SMARCA5: variants seen among roughly 807,000 people sequenced by gnomAD.
SMARCA5 encodes the protein SWI/SNF-related matrix-associated actin-dependent regulator of chromatin subfamily A member 5.
A neutral mutation model predicts 140.4 loss-of-function variants in SMARCA5; 18 were observed. The observed-to-expected ratio is 0.13, with a 90% confidence interval of 0.09 to 0.19. SMARCA5 has a LOEUF of 0.19. Ranked by LOEUF, SMARCA5 falls within the 10% of genes least tolerant of loss-of-function variation. The pLI is 1.00. For synonymous variants in SMARCA5, 449 were observed against 419.6 expected (o/e 1.07, Z -0.86); for missense variants, 606 against 1,276.8 (o/e 0.47, Z 8.01).
chr4:143,531,426 T>A (rs1426168771), intron 9 of SMARCA5, among the ~76,000 whole-genome samples: 1 of 152,230 alleles, frequency 6.6e-6, no homozygotes, highest in Non-Finnish European at 1.5e-5. Flanking sequence ...GTAAGAATGT[T>A]ATATAAAGCC....
chr4:143,541,921 G>T (rs1401776191), intron 14 of SMARCA5, among the ~76,000 whole-genome samples: 2 of 151,358 alleles, frequency 1.3e-5, no homozygotes, highest in African/African-American at 4.9e-5. Context: ...GCAATGGCAC[G>T]ATCTCGGCTC....
Position 143,513,941 on chromosome 4 carries a change from A to G in SMARCA5, c.17A>G (p.Glu6Gly), listed in dbSNP as rs1213203256. The stretch of plus-strand genomic sequence containing the variant: ...CGGAACATCATGTCGTCCGCGGCCG[A>G]GCCTCCGCCACCCCCGCCTCCCGAG... The part of the protein sequence containing the change: MSSAA[E>G]PPPPPPPESA... The change falls in exon 1 of 24, where the codon GAG (glutamate) becomes GGG (glycine). Residue 6 changes from glutamate to glycine, a missense_variant. Physicochemically the swap from Glu to Gly is moderately conservative, Grantham distance 98. This residue lies in a region of SMARCA5 where 164 missense variants were observed against 128.4 expected (regional missense o/e 1.28). Transcript: ENST00000283131. The G allele has an allele frequency of 2.6e-6, 4 of 1,546,928 alleles. No individual in the cohort carries two copies. The highest frequency in any genetic ancestry group is 3.5e-6 in the Non-Finnish European group (4 of 1,153,464).
At chr4:143,520,586 A>C (rs1296581276) in intron 2 of SMARCA5, among the ~76,000 whole-genome samples, 3 of 152,226 alleles carry the variant, frequency 2.0e-5, no homozygotes, top group African/African-American at 7.2e-5. Context: ...TGTGTTTGCT[A>C]GGTAAAATGT....
intron 1 of SMARCA5, among the ~76,000 whole-genome samples, chr4:143,514,974 G>C (rs78145472): frequency 6.6e-6 from 1 of 152,196 alleles, no homozygotes; most frequent in Non-Finnish European, 1.5e-5. Context: ...GAAGCTGCCA[G>C]GCGGGTAAAT....
At chr4:143,518,141 A>G (rs548648130) in intron 2 of SMARCA5, among the ~76,000 whole-genome samples, 2 of 152,146 alleles carry the variant, frequency 1.3e-5, no homozygotes, top group South Asian at 4.1e-4. Flanking sequence ...CAGCATTTTT[A>G]TATTATAGAT....
At chr4:143,535,571 T>G (rs1737285976) in intron 10 of SMARCA5, among the ~76,000 whole-genome samples, 1 of 152,160 alleles carries the variant, frequency 6.6e-6, no homozygotes, top group Non-Finnish European at 1.5e-5. Context: ...TGGTCCTAAA[T>G]GTCCTCAAAA....
rs1260047117 is a variant in SMARCA5, at chr4:143,550,261, C to G, written c.3093+157C>G. ...TTTTTTTTTTCCTTAAGGGAGAACC[C>G]AAGCTCATAATTTGAGATTCTTCCA... On this transcript the variant is annotated intron_variant, in intron 23 of 23. Transcript: ENST00000283131. Among the ~76,000 whole-genome samples the G allele has an allele frequency of 3.4e-5, 5 of 148,062 alleles. No homozygotes were observed. In the Admixed American group the frequency reaches 3.4e-4, roughly 10 times the overall value.
At chr4:143,527,203 G>A (rs1159879920) in intron 6 of SMARCA5, among the ~76,000 whole-genome samples, 5 of 152,100 alleles carry the variant, frequency 3.3e-5, no homozygotes. Context: ...AAGAAGAGAT[G>A]GAAATAATGA....
intron 23 of SMARCA5, among the ~76,000 whole-genome samples, chr4:143,552,908 A>G (rs547887315): frequency 6.9e-6 from 1 of 145,494 alleles, no homozygotes; most frequent in Admixed American, 7.1e-5. Flanking sequence ...CATTATTAAC[A>G]TTAACATTTT....
At position 143,548,154 on chromosome 4, in the gene SMARCA5, G is replaced by C; in HGVS notation, c.2985+14G>C. 1 of 1,514,562 alleles carries C rather than the reference G, an allele frequency of 6.6e-7. No homozygotes were observed. Among genetic ancestry groups the C allele is most frequent in the Non-Finnish European group, 9.1e-7 (1 of 1,098,392 alleles). The allele number at this position is 1,514,562 out of a possible 1,614,324, so 93.8% of individuals were successfully genotyped here. On this transcript the variant is annotated intron_variant, in intron 22 of 23. Coordinates refer to ENST00000283131, the MANE Select transcript of SMARCA5 (RefSeq NM_003601.4). The stretch of plus-strand genomic sequence containing the variant: ...AGAACTGCAATGGTGAGTGCTCAGG[G>C]CTTTTTTGTGTAATGTAGCAGAGTT...
intron 6 of SMARCA5, among the ~76,000 whole-genome samples, chr4:143,527,616 T>TGACA (rs1737101189): frequency 6.6e-6 from 1 of 152,234 alleles, no homozygotes; most frequent in Admixed American, 6.5e-5. Flanking sequence ...GAAAGACATT[T>TGACA]TAAGTGTCTA....
chr4:143,534,686 C>T (rs1297569497), intron 9 of SMARCA5, among the ~76,000 whole-genome samples, 169 bp from the exon 10 acceptor site: 1 of 151,972 alleles, frequency 6.6e-6, no homozygotes, highest in Non-Finnish European at 1.5e-5. Context: ...AACTAGTCTC[C>T]CACAGATACT....
Position 143,528,664 on chromosome 4 carries a change from C to T in SMARCA5, c.1039C>T (p.Leu347=). The change falls in exon 8 of 24, where the codon CTG becomes TTG. Residue 347 remains leucine, a synonymous_variant. Transcript: ENST00000283131. ...ACCTCTTCAGAACAACTTGCATGAG[C>T]TGTGGTCACTTCTTAACTTTCTGTT... ...GTPLQNNLHE[L]WSLLNFLLPD... 2.5e-6 allele frequency: 4 copies of T among 1,613,710 alleles called. No individual in the cohort carries two copies. Among genetic ancestry groups the T allele is most frequent in the Non-Finnish European group, 3.4e-6 (4 of 1,179,716 alleles).
chr4:143,546,740 G>T, intron 19 of SMARCA5, 36 bp from the exon 20 acceptor site: 1 of 1,586,230 alleles, frequency 6.3e-7, no homozygotes, highest in South Asian at 1.2e-5. Context: ...AGTTTAATGT[G>T]CTGTGATTAA....
At chr4:143,529,172 C>T (rs926161899) in intron 8 of SMARCA5, among the ~76,000 whole-genome samples, 6 of 152,040 alleles carry the variant, frequency 3.9e-5, no homozygotes, top group East Asian at 1.9e-4. Flanking sequence ...TGGCCTCAAG[C>T]GATCTGCCTG....
At chr4:143,521,337 T>A in intron 2 of SMARCA5, 92 bp from the exon 3 acceptor site, 1 of 756,218 alleles carries the variant, frequency 1.3e-6, no homozygotes, top group Non-Finnish European at 2.1e-6. Flanking sequence ...TTTTTTTTGC[T>A]GAGTTCATTG....
At chr4:143,547,528 G>T in intron 21 of SMARCA5, 25 bp downstream of exon 21, 1 of 1,220,980 alleles carries the variant, frequency 8.2e-7, no homozygotes, top group South Asian at 1.2e-5. Context: ...AATAAGTTAG[G>T]TAGTTAATAA....
intron 19 of SMARCA5, 29 bp downstream of exon 19, chr4:143,546,076 G>A: frequency 6.5e-7 from 1 of 1,532,146 alleles, no homozygotes; most frequent in Non-Finnish European, 8.8e-7. Context: ...ACAAACTTTA[G>A]TAACAGTTTG....
chr4:143,546,428 T>A (rs1446492234), intron 19 of SMARCA5, among the ~76,000 whole-genome samples: 1 of 152,142 alleles, frequency 6.6e-6, no homozygotes, highest in Non-Finnish European at 1.5e-5. Flanking sequence ...TTGACTTACC[T>A]TTAAAGCTTC....
Sources: gnomAD v4.1 joint callset for allele counts (sites outside exome capture counted in the v4.1 genomes callset) on GRCh38, gnomAD v4.1.1 for gene constraint, gnomAD v4.1.1 regional missense constraint, MANE v1.5 for transcripts, NCBI Gene and HGNC (gene_info 2026-07-23, HGNC 2026-07-21) for gene names.